CNTNAP4: variants seen among roughly 807,000 people sequenced by gnomAD.
CNTNAP4 encodes contactin associated protein family member 4, also known as contactin-associated protein-like 4.
In CNTNAP4, 98 loss-of-function variants were observed where a neutral mutation model predicts 148.4. That is an observed-to-expected ratio of 0.66 (90% CI 0.56 to 0.78). CNTNAP4 has a LOEUF of 0.78. Among genes scored for constraint, CNTNAP4 ranks in the 30% least tolerant of loss-of-function variants. The pLI is 0.00. For missense variants in CNTNAP4, 1,935 were observed against 1,565.6 expected, an observed-to-expected ratio of 1.24 and a Z score of -3.98; for synonymous variants, 730 against 565.1, an observed-to-expected ratio of 1.29 and a Z score of -4.14.
At chr16:76,452,421 T>C in intron 7 of CNTNAP4, 87 bp from the exon 8 acceptor site, 2 of 1,330,520 alleles carry the variant, frequency 1.5e-6, no homozygotes, top group Non-Finnish European at 1.1e-6. Context: ...TCGCGGATAA[T>C]GTGAGATTGA....
At chr16:76,300,588 T>C (rs1466370819) in intron 1 of CNTNAP4, among the ~76,000 whole-genome samples, 2 of 152,150 alleles carry the variant, frequency 1.3e-5, no homozygotes, top group Non-Finnish European at 2.9e-5. Flanking sequence ...GAATGGCAAA[T>C]AAATGAGACC....
At chr16:76,459,198 A>G (rs749364681) in intron 8 of CNTNAP4, among the ~76,000 whole-genome samples, 1 of 152,208 alleles carries the variant, frequency 6.6e-6, no homozygotes, top group Non-Finnish European at 1.5e-5. Flanking sequence ...GAGAGTGTAT[A>G]AGAAATTTCT....
At chr16:76,384,686 T>G (rs11648330) in intron 3 of CNTNAP4, among the ~76,000 whole-genome samples, 1,527 of 152,296 alleles carry the variant, frequency 0.01, 18 homozygotes, top group African/African-American at 0.026. Flanking sequence ...AGTGGCCTTG[T>G]TATTAGTCAT....
chr16:76,337,487 G>A (rs953878690), intron 2 of CNTNAP4, among the ~76,000 whole-genome samples: 5 of 152,164 alleles, frequency 3.3e-5, no homozygotes, highest in African/African-American at 1.2e-4. Context: ...GTACGAATAG[G>A]GAGTAGGTCA....
At chr16:76,389,573 C>T (rs2016788492) in intron 3 of CNTNAP4, among the ~76,000 whole-genome samples, 1 of 152,288 alleles carries the variant, frequency 6.6e-6, no homozygotes, top group South Asian at 2.1e-4. Flanking sequence ...CATGCCTCGG[C>T]ACCTGGAGTA....
chr16:76,371,349 G>A lies in CNTNAP4; in HGVS notation c.390+15838G>A, dbSNP rs546291153. ...CGCCTGGGCTGGAGTGCAGTGGCAC[G>A]ATCTTGGTTGACTGCAACCTCCACC... On this transcript the variant is annotated intron_variant, in intron 3 of 23. Coordinates refer to ENST00000611870, the MANE Select transcript of CNTNAP4 (RefSeq NM_033401.5). Among the ~76,000 whole-genome samples, 4 of 152,158 alleles carry A rather than the reference G, an allele frequency of 2.6e-5. No individual in the cohort carries two copies. The South Asian group carries it at 6.2e-4, about 24-fold the overall frequency.
rs117059058 is a variant in CNTNAP4, at chr16:76,339,707, T to G, written c.197-15611T>G. Among the ~76,000 whole-genome samples the G allele has an allele frequency of 5.6e-3, 848 of 152,334 alleles. 3 individuals carry two copies. Among genetic ancestry groups the G allele is most frequent in the Non-Finnish European group, 8.9e-3 (604 of 68,030 alleles). ...TTATCTCAGAATCTATCTAATTTAT[T>G]TCCATTTCTCTGAATTTGGCCATAT... On this transcript the variant is annotated intron_variant, in intron 2 of 23. Transcript: ENST00000611870.
intron 17 of CNTNAP4, among the ~76,000 whole-genome samples, chr16:76,530,741 G>C (rs1276175206): frequency 6.6e-6 from 1 of 152,182 alleles, no homozygotes; most frequent in African/African-American, 2.4e-5. Flanking sequence ...AGGAAGAATA[G>C]TCCTGTTCCT....
intron 17 of CNTNAP4, among the ~76,000 whole-genome samples, chr16:76,522,483 T>C (rs2083494116): frequency 6.6e-6 from 1 of 152,126 alleles, no homozygotes; most frequent in African/African-American, 2.4e-5. Flanking sequence ...GCTTCCAGGG[T>C]TGACTTGCCT....
intron 2 of CNTNAP4, among the ~76,000 whole-genome samples, chr16:76,324,604 C>T (rs1962771531): frequency 6.6e-6 from 1 of 152,162 alleles, no homozygotes; most frequent in Non-Finnish European, 1.5e-5. Context: ...TTTGCCTTAC[C>T]TCAAGGTGAC....
chr16:76,431,428 C>T (rs1232280749), intron 4 of CNTNAP4, among the ~76,000 whole-genome samples: 1 of 151,952 alleles, frequency 6.6e-6, no homozygotes, highest in East Asian at 1.9e-4. Flanking sequence ...GCCTGTAATT[C>T]CAGGACTTTG....
At chr16:76,502,068 CAA>C (rs60515495) in intron 15 of CNTNAP4, among the ~76,000 whole-genome samples, 4 of 134,864 alleles carry the variant, frequency 3.0e-5, no homozygotes, top group African/African-American at 2.8e-5. Flanking sequence ...GACTCCGTCT[CAA>C]AAAAAAAAAA....
At chr16:76,448,247 T>A (rs2080323239) in intron 5 of CNTNAP4, 32 bp downstream of exon 5, 1 of 1,490,408 alleles carries the variant, frequency 6.7e-7, no homozygotes, top group South Asian at 1.2e-5. Flanking sequence ...CTCAAAAATC[T>A]GATTATTTAG....
intron 8 of CNTNAP4, among the ~76,000 whole-genome samples, chr16:76,459,193 T>C (rs1222669606): frequency 2.6e-5 from 4 of 151,824 alleles, no homozygotes; most frequent in African/African-American, 9.7e-5. Flanking sequence ...ACACAGAGAG[T>C]GTATAAGAAA....
chr16:76,331,848 C>G (rs1963557251), intron 2 of CNTNAP4, among the ~76,000 whole-genome samples: 1 of 152,124 alleles, frequency 6.6e-6, no homozygotes, highest in Non-Finnish European at 1.5e-5. Flanking sequence ...TGTCTAGTGC[C>G]CTTTTCTTTC....
chr16:76,420,344 C>T (rs1481689495), intron 3 of CNTNAP4, among the ~76,000 whole-genome samples: 2 of 95,170 alleles, frequency 2.1e-5, no homozygotes, highest in African/African-American at 2.9e-5. Flanking sequence ...GTACGTAGGA[C>T]ACTACATAAG....
Position 76,548,295 on chromosome 16 carries a change from C to CATTTTTTTTTTTTTTTTTTTTTTTTTTTT in CNTNAP4, c.3443-4988_3443-4987insATTTTTTTTTTTTTTTTTTTTTTTTTTTT, listed in dbSNP as rs759580311. On this transcript the variant is annotated intron_variant, in intron 21 of 23. Coordinates refer to ENST00000611870, the MANE Select transcript of CNTNAP4 (RefSeq NM_033401.5). ...CCCTGGCTCTCTTGATTCACTGCAC[C>CATTTTTTTTTTTTTTTTTTTTTTTTTTTT]TTTTTTTTTTTTTTTTTTTTTTTTG... Among the ~76,000 whole-genome samples, 3 of 92,908 alleles carry CATTTTTTTTTTTTTTTTTTTTTTTTTTTT rather than the reference C, an allele frequency of 3.2e-5. 1 individual carries two copies. The highest frequency in any genetic ancestry group is 1.2e-4 in the African/African-American group (3 of 24,510). The allele number at this position is 92,908 out of a possible 152,430, so 61.0% of individuals were successfully genotyped here.
chr16:76,474,564 G>T (rs1425907654), intron 10 of CNTNAP4, among the ~76,000 whole-genome samples: 1 of 152,124 alleles, frequency 6.6e-6, no homozygotes, highest in African/African-American at 2.4e-5. Context: ...GGAGACGGTA[G>T]AAACCCCATC....
At chr16:76,297,938 G>A (rs543838476) in intron 1 of CNTNAP4, among the ~76,000 whole-genome samples, 2 of 152,034 alleles carry the variant, frequency 1.3e-5, no homozygotes, top group South Asian at 4.2e-4. Flanking sequence ...TACTCTTTAT[G>A]TCAAACATAT....
Sources: allele counts gnomAD v4.1 joint callset (sites outside exome capture counted in the v4.1 genomes callset), GRCh38; gene constraint gnomAD v4.1.1; transcripts MANE v1.5; gene names NCBI Gene and HGNC (gene_info 2026-07-23, HGNC 2026-07-21).